PCED1B: variants seen among roughly 807,000 people sequenced by gnomAD.
PCED1B encodes the protein PC-esterase domain containing 1B.
For missense variants in PCED1B, 573 were observed against 573.9 expected (o/e 1.00, Z 0.02); for synonymous variants, 251 against 246.1 (o/e 1.02, Z -0.19).
chr12:47,207,813 T>C (rs1228994416), intron 2 of PCED1B, among the ~76,000 whole-genome samples: 12 of 152,166 alleles, frequency 7.9e-5, no homozygotes, highest in Admixed American at 3.3e-4. Context: ...AGATAAAACA[T>C]TTTAGGGCTT....
chr12:47,142,926 CAT>C (rs1173291478), intron 2 of PCED1B, among the ~76,000 whole-genome samples: 2 of 152,072 alleles, frequency 1.3e-5, no homozygotes, highest in African/African-American at 2.4e-5. Flanking sequence ...CAAATCAATA[CAT>C]GTGATACATG....
chr12:47,234,952 T>G (rs556324847), intron 3 of PCED1B, 55 bp from the exon 4 acceptor site: 237 of 1,024,530 alleles, frequency 2.3e-4, no homozygotes, highest in Non-Finnish European at 1.1e-5. Flanking sequence ...CAACCTGCAC[T>G]GGGCGCTCCG....
intron 2 of PCED1B, among the ~76,000 whole-genome samples, chr12:47,146,503 C>T (rs1408486671): frequency 2.0e-5 from 3 of 152,126 alleles, no homozygotes; most frequent in Non-Finnish European, 2.9e-5. Flanking sequence ...ATTGATGAGT[C>T]AAATTTCATT....
intron 2 of PCED1B, among the ~76,000 whole-genome samples, chr12:47,126,947 G>T (rs1939912095): frequency 6.6e-6 from 1 of 152,076 alleles, no homozygotes. Context: ...TTTTCTCAAA[G>T]AATCTGTTTT....
At chr12:47,106,486 G>A (rs1485158008) in intron 2 of PCED1B, among the ~76,000 whole-genome samples, 3 of 152,078 alleles carry the variant, frequency 2.0e-5, no homozygotes, top group East Asian at 1.9e-4. Context: ...CAGCTCCCTC[G>A]GAACAGCCCT....
At chr12:47,106,232 A>G (rs546105175) in intron 2 of PCED1B, among the ~76,000 whole-genome samples, 1 of 152,222 alleles carries the variant, frequency 6.6e-6, no homozygotes, top group South Asian at 2.1e-4. Flanking sequence ...TCAAAAAAGG[A>G]CCATTTTTAT....
At chr12:47,181,286 T>C (rs9705740) in intron 2 of PCED1B, among the ~76,000 whole-genome samples, 2 of 152,148 alleles carry the variant, frequency 1.3e-5, no homozygotes, top group African/African-American at 4.8e-5. Context: ...CGCTTGGCCT[T>C]AACAGTATTT....
intron 1 of PCED1B, among the ~76,000 whole-genome samples, chr12:47,093,530 C>T (rs1287637319): frequency 6.6e-6 from 1 of 151,892 alleles, no homozygotes; most frequent in African/African-American, 2.4e-5. Context: ...TTGAAATTAA[C>T]ACTTAAATCA....
intron 3 of PCED1B, among the ~76,000 whole-genome samples, chr12:47,220,817 T>C (rs764361185): frequency 9.9e-5 from 15 of 152,272 alleles, no homozygotes; most frequent in Non-Finnish European, 2.2e-4. Flanking sequence ...CTGACAAAAT[T>C]GTCTTTTAAC....
At chr12:47,177,160 C>A (rs190966409) in intron 2 of PCED1B, among the ~76,000 whole-genome samples, 54 of 152,234 alleles carry the variant, frequency 3.5e-4, no homozygotes, top group Non-Finnish European at 6.9e-4. Context: ...GAAGGGGATG[C>A]TATCCAGTCA....
At chr12:47,092,149 A>G (rs1446311376) in intron 1 of PCED1B, among the ~76,000 whole-genome samples, 1 of 152,068 alleles carries the variant, frequency 6.6e-6, no homozygotes, top group Non-Finnish European at 1.5e-5. Context: ...CATCTTTACA[A>G]TATTGAGTCT....
intron 3 of PCED1B, among the ~76,000 whole-genome samples, chr12:47,218,521 T>C (rs1943373079): frequency 6.6e-6 from 1 of 152,272 alleles, no homozygotes; most frequent in African/African-American, 2.4e-5. Context: ...TCTTGCTCTG[T>C]CATCCAGGCT....
chr12:47,224,176 C>T (rs1943567166), intron 3 of PCED1B: 1 of 152,126 alleles, frequency 6.6e-6, no homozygotes, highest in Non-Finnish European at 1.5e-5. Context: ...TTATGAAATG[C>T]TTTGATTATT....
Position 47,236,199 on chromosome 12 carries a change from T to C in PCED1B, c.1136T>C (p.Leu379Pro). ...GACAATTTTATGGTTGGTCCTCAGC[T>C]GCCTATGCCCTTCTTCCCCACACCC... Reference protein sequence around the residue: ...VEDNFMVGPQLPMPFFPTPRY... With the variant: ...VEDNFMVGPQPPMPFFPTPRY... The change falls in exon 4 of 4, where the codon CTG becomes CCG. Residue 379 changes from leucine to proline, a missense_variant. Physicochemically the swap from Leu to Pro is moderately conservative, Grantham distance 98 (BLOSUM62 -3). Transcript: ENST00000546455. 6.2e-7 allele frequency: 1 copy of C among 1,614,166 alleles called. No individual in the cohort carries two copies. Among genetic ancestry groups the C allele is most frequent in the South Asian group, 1.1e-5 (1 of 91,086 alleles).
rs561190203 is a variant in PCED1B at position 47,158,145 on chromosome 12, C to G, written c.-526+53950C>G. ...GCTATACAAACATTTCTTTGAATCTCTGCTTTCAATTTTTTTGTGTGTGTT... is the reference window on the plus strand; with the variant it reads ...GCTATACAAACATTTCTTTGAATCTGTGCTTTCAATTTTTTTGTGTGTGTT... On this transcript the variant is annotated intron_variant, in intron 2 of 3. Transcript: ENST00000546455. 3.9e-5 allele frequency among the ~76,000 whole-genome samples: 6 copies of G among 152,280 alleles called. No individual in the cohort carries two copies. In the South Asian group the frequency reaches 1.2e-3, roughly 32 times the overall value.
intron 2 of PCED1B, among the ~76,000 whole-genome samples, chr12:47,179,312 A>G (rs1188091449): frequency 6.6e-6 from 1 of 152,230 alleles, no homozygotes; most frequent in East Asian, 1.9e-4. Context: ...ACAAGGGAAC[A>G]TCAAAGCTCA....
chr12:47,124,470 C>G (rs1478811753), intron 2 of PCED1B, among the ~76,000 whole-genome samples: 1 of 150,096 alleles, frequency 6.7e-6, no homozygotes, highest in Non-Finnish European at 1.5e-5. Context: ...AAATAAAGTT[C>G]CTATAAACAT....
intron 2 of PCED1B, among the ~76,000 whole-genome samples, chr12:47,186,834 A>G (rs1942285156): frequency 6.6e-6 from 1 of 152,212 alleles, no homozygotes. Flanking sequence ...AACACAGCAC[A>G]AAATCTTGTC....
intron 2 of PCED1B, among the ~76,000 whole-genome samples, chr12:47,160,561 C>A (rs992613957): frequency 6.6e-6 from 1 of 151,968 alleles, no homozygotes; most frequent in Admixed American, 6.6e-5. Flanking sequence ...AATGTTTCAA[C>A]CTCCCAAAGT....
Sources: gnomAD v4.1 joint callset for allele counts (sites outside exome capture counted in the v4.1 genomes callset) on GRCh38, gnomAD v4.1.1 for gene constraint, MANE v1.5 for transcripts, NCBI Gene and HGNC (gene_info 2026-07-23, HGNC 2026-07-21) for gene names.